The following MAML3 variants were observed in gnomAD, a reference collection of about 807,000 sequenced individuals.
MAML3 encodes mastermind like transcriptional coactivator 3, also known as mastermind-like protein 3.
In MAML3, 27 loss-of-function variants were observed where a neutral mutation model predicts 101.9. The ratio of observed to expected loss-of-function variants is 0.27; its 90% CI spans 0.20 to 0.37. The LOEUF is 0.37. Among genes scored for constraint, MAML3 ranks in the 10% least tolerant of loss-of-function variants. MAML3 has a pLI of 1.00. For missense variants in MAML3, 1,316 were observed against 1,444.9 expected, an observed-to-expected ratio of 0.91 and a Z score of 1.45; for synonymous variants, 501 against 555.9, an observed-to-expected ratio of 0.90 and a Z score of 1.39.
chr4:140,043,466 T>C (rs946104061), intron 1 of MAML3, among the ~76,000 whole-genome samples: 4 of 152,210 alleles, frequency 2.6e-5, no homozygotes, highest in Admixed American at 6.5e-5. Flanking sequence ...GGGGGATTCA[T>C]GACCTTCCAA....
At chr4:140,032,858 A>G (rs972597181) in intron 1 of MAML3, among the ~76,000 whole-genome samples, 1 of 141,582 alleles carries the variant, frequency 7.1e-6, no homozygotes, top group African/African-American at 2.6e-5. Context: ...CTACCATTGG[A>G]AAAAAACCTC....
chr4:140,039,412 C>T (rs1727044134), intron 1 of MAML3, among the ~76,000 whole-genome samples: 1 of 152,156 alleles, frequency 6.6e-6, no homozygotes, highest in Admixed American at 6.5e-5. Context: ...CCATGGCTGA[C>T]CATGCATGGT....
At chr4:139,722,063 A>G (rs756456371) in intron 4 of MAML3, among the ~76,000 whole-genome samples, 2 of 152,242 alleles carry the variant, frequency 1.3e-5, no homozygotes, top group Non-Finnish European at 2.9e-5. Context: ...AAGGACATCT[A>G]TAATTTGGCC....
At chr4:140,152,798 G>GGC in intron 1 of MAML3, 62 bp downstream of exon 1, 1 of 1,555,826 alleles carries the variant, frequency 6.4e-7, no homozygotes, top group Non-Finnish European at 8.7e-7. Context: ...AGCTCCACGC[G>GGC]CCCCCCACCA....
At chr4:140,106,532 G>T (rs1488747954) in intron 1 of MAML3, among the ~76,000 whole-genome samples, 1 of 152,172 alleles carries the variant, frequency 6.6e-6, no homozygotes, top group African/African-American at 2.4e-5. Context: ...ATGCAACTGT[G>T]ACCTTAACTC....
intron 2 of MAML3, among the ~76,000 whole-genome samples, chr4:139,799,637 A>G (rs371514289): frequency 1.3e-4 from 20 of 152,340 alleles, no homozygotes; most frequent in African/African-American, 4.8e-4. Flanking sequence ...TTAGAAATGG[A>G]TGAGACTAAG....
At chr4:140,023,292 G>T (rs1257431664) in intron 1 of MAML3, among the ~76,000 whole-genome samples, 1 of 152,158 alleles carries the variant, frequency 6.6e-6, no homozygotes, top group African/African-American at 2.4e-5. Flanking sequence ...ATAGCTAGAC[G>T]TTCTGTCCAG....
At chr4:139,829,004 AGGAAGGAAGGAAGGAAGGACGGAC>A (rs1303191628) in intron 2 of MAML3, among the ~76,000 whole-genome samples, 1 of 134,576 alleles carries the variant, frequency 7.4e-6, no homozygotes, top group East Asian at 2.1e-4. Flanking sequence ...GAAGGAAGGA[AGGAAGGAAGGAAGGAAGGACGGAC>A]GGACGGACTA....
chr4:139,813,622 C>T (rs1730842180), intron 2 of MAML3, among the ~76,000 whole-genome samples: 1 of 152,100 alleles, frequency 6.6e-6, no homozygotes, highest in Non-Finnish European at 1.5e-5. Flanking sequence ...TTCTCATGTA[C>T]CCTTTCTCAG....
intron 1 of MAML3, among the ~76,000 whole-genome samples, chr4:140,016,837 A>T (rs191857776): frequency 6.6e-6 from 1 of 152,358 alleles, no homozygotes; most frequent in East Asian, 1.9e-4. Flanking sequence ...ACTTAAATGT[A>T]AAATGTAAAA....
intron 1 of MAML3, among the ~76,000 whole-genome samples, chr4:140,101,852 T>A (rs1293069359): frequency 6.9e-6 from 1 of 144,854 alleles, no homozygotes; most frequent in African/African-American, 2.5e-5. Flanking sequence ...AGCTGAGCAT[T>A]TTTTTTTTTT....
chr4:139,743,302 A>C (rs892499482), intron 2 of MAML3, among the ~76,000 whole-genome samples: 1 of 152,192 alleles, frequency 6.6e-6, no homozygotes, highest in Non-Finnish European at 1.5e-5. Flanking sequence ...GGGAGATCTA[A>C]CCTGCTGTTC....
At chr4:139,935,982 C>G (rs1733499210) in intron 1 of MAML3, among the ~76,000 whole-genome samples, 1 of 152,296 alleles carries the variant, frequency 6.6e-6, no homozygotes, top group African/African-American at 2.4e-5. Flanking sequence ...ATCCCTGGAA[C>G]TTATCTATCC....
chr4:139,749,300 G>A (rs1729423500), intron 2 of MAML3, among the ~76,000 whole-genome samples: 1 of 152,082 alleles, frequency 6.6e-6, no homozygotes, highest in Admixed American at 6.5e-5. Context: ...TATATTAAAT[G>A]CAAAAAAAGT....
intron 1 of MAML3, among the ~76,000 whole-genome samples, chr4:139,894,790 T>C (rs1732577324): frequency 6.6e-6 from 1 of 152,144 alleles, no homozygotes; most frequent in Non-Finnish European, 1.5e-5. Context: ...ATATTATTTA[T>C]TGGACAAGGC....
chr4:139,908,899 A>T (rs1028880030), intron 1 of MAML3, among the ~76,000 whole-genome samples: 11 of 152,242 alleles, frequency 7.2e-5, no homozygotes, highest in Non-Finnish European at 1.0e-4. Context: ...GCTGTAACTT[A>T]ACAGAATATG....
intron 2 of MAML3, among the ~76,000 whole-genome samples, chr4:139,804,269 ATTTTT>A (rs57217528): frequency 6.8e-6 from 1 of 146,756 alleles, no homozygotes; most frequent in Non-Finnish European, 1.5e-5. Flanking sequence ...CTCACTAAGG[ATTTTT>A]TTTTTTTTTG....
At chr4:140,086,808 A>AT (rs1269845722) in intron 1 of MAML3, among the ~76,000 whole-genome samples, 8 of 152,176 alleles carry the variant, frequency 5.3e-5, no homozygotes, top group Non-Finnish European at 8.8e-5. Context: ...AAAAAGAGAG[A>AT]TTTTAAAAAG....
chr4:140,062,110 G>A (rs569041507), intron 1 of MAML3, among the ~76,000 whole-genome samples: 3 of 152,102 alleles, frequency 2.0e-5, no homozygotes, highest in Non-Finnish European at 4.4e-5. Context: ...CTCAGATGAC[G>A]CATCACTGTG....
Sources: gnomAD v4.1 joint callset for allele counts (sites outside exome capture counted in the v4.1 genomes callset) on GRCh38, gnomAD v4.1.1 for gene constraint, MANE v1.5 for transcripts, NCBI Gene and HGNC (gene_info 2026-07-23, HGNC 2026-07-21) for gene names.